The following TAFA5 variants were observed in gnomAD, a reference collection of about 807,000 sequenced individuals.
The protein encoded by TAFA5 is chemokine-like protein TAFA-5.
Under a neutral mutation model 15.3 loss-of-function variants are expected in TAFA5, and 6 were observed. The observed-to-expected ratio is 0.39, with a 90% CI of 0.21 to 0.77. The LOEUF (loss-of-function observed/expected upper bound fraction) is 0.77, where lower values mean the gene tolerates loss of function less well. TAFA5 is among the 30% of genes least tolerant of loss of function. TAFA5 has a pLI of 0.41. For synonymous variants in TAFA5, 103 were observed against 80.7 expected (o/e 1.28, Z -1.48); for missense variants, 161 against 193.1 (o/e 0.83, Z 0.98).
intron 1 of TAFA5, among the ~76,000 whole-genome samples, chr22:48,525,026 T>C (rs1018835502): frequency 1.3e-5 from 2 of 152,138 alleles, no homozygotes; most frequent in African/African-American, 4.8e-5. Flanking sequence ...TGCCCTCAGC[T>C]TTTGTTCTCA....
chr22:48,584,066 C>G (rs975285015), intron 1 of TAFA5, among the ~76,000 whole-genome samples: 24 of 147,380 alleles, frequency 1.6e-4, no homozygotes, highest in Non-Finnish European at 3.3e-4. Context: ...CCACACATAC[C>G]AGACACCACA....
Position 48,566,236 on chromosome 22 carries a change from T to C in TAFA5, c.112+76532T>C, listed in dbSNP as rs1160620480. Among the ~76,000 whole-genome samples, 1 of 150,106 alleles carries C rather than the reference T, an allele frequency of 6.7e-6. No individual in the cohort carries two copies. The highest frequency in any genetic ancestry group is 1.5e-5 in the Non-Finnish European group (1 of 67,590). On this transcript the variant is annotated intron_variant, in intron 1 of 3. Transcript: ENST00000402357. The surrounding 1 kb of genome is among the most constrained non-coding windows in gnomAD (Gnocchi z 4.5). ...GGGTGGATGGTAGGTAGATGGATGA[T>C]GGGTGGATGGTAGGTAGATGGATGA... is the stretch of plus-strand genomic sequence containing the variant.
chr22:48,527,923 C>T (rs1001989136), intron 1 of TAFA5, among the ~76,000 whole-genome samples: 1 of 152,224 alleles, frequency 6.6e-6, no homozygotes, highest in African/African-American at 2.4e-5. Flanking sequence ...CCCGCCTTCC[C>T]AGGCGCGCTC....
intron 2 of TAFA5, among the ~76,000 whole-genome samples, chr22:48,677,371 G>T (rs562285742): frequency 1.1e-4 from 16 of 152,378 alleles, no homozygotes; most frequent in Non-Finnish European, 1.8e-4. Context: ...GGATGGGGAT[G>T]CCGGGGTCGG....
chr22:48,601,874 G>A (rs981778921), intron 1 of TAFA5, among the ~76,000 whole-genome samples: 4 of 152,326 alleles, frequency 2.6e-5, no homozygotes, highest in South Asian at 4.1e-4. Flanking sequence ...AGTGTGCGGC[G>A]AGTGGCCTCG....
chr22:48,689,040 CA>C (rs1312058063), intron 2 of TAFA5, among the ~76,000 whole-genome samples: 1 of 150,930 alleles, frequency 6.6e-6, no homozygotes, highest in Non-Finnish European at 1.5e-5. Context: ...TGATGTGCTG[CA>C]GTTTAACTGC....
chr22:48,522,653 C>A (rs1259983266), intron 1 of TAFA5, among the ~76,000 whole-genome samples: 2 of 152,222 alleles, frequency 1.3e-5, no homozygotes, highest in Admixed American at 6.5e-5. Flanking sequence ...GGGAGGAAGG[C>A]CATTCCCTTC....
Position 48,740,386 on chromosome 22 carries a change from C to T in TAFA5, c.391-9453C>T, listed in dbSNP as rs147837476. ...CTCACAGAGCCTCCAGACTCCGGCC[C>T]CTCCCTGTGTGTTTGCAGATAAGAC... On this transcript the variant is annotated intron_variant, in intron 3 of 3. Coordinates refer to ENST00000402357, the MANE Select transcript of TAFA5 (RefSeq NM_001082967.3). 1.7e-3 allele frequency among the ~76,000 whole-genome samples: 264 copies of T among 152,326 alleles called. 2 individuals are homozygous for T. The highest frequency in any genetic ancestry group is 6.8e-3 in the Middle Eastern group (2 of 294).
At chr22:48,603,061 T>C (rs1925032961) in intron 1 of TAFA5, among the ~76,000 whole-genome samples, 1 of 152,170 alleles carries the variant, frequency 6.6e-6, no homozygotes, top group Admixed American at 6.5e-5. Context: ...GCTCAGTGAC[T>C]TGGAGAAAGC....
intron 1 of TAFA5, chr22:48,539,297 ATTGGT>A (rs1300831436): frequency 4.3e-6 from 2 of 464,976 alleles, no homozygotes; most frequent in Non-Finnish European, 4.5e-6. Context: ...GGACTCCTAA[ATTGGT>A]TTATTTGCCA....
chr22:48,562,585 A>AG (rs1020941046), intron 1 of TAFA5, among the ~76,000 whole-genome samples: 1 of 145,392 alleles, frequency 6.9e-6, no homozygotes, highest in African/African-American at 2.5e-5. Flanking sequence ...CTAGGGAGGG[A>AG]GGGGGGGAAT....
intron 1 of TAFA5, among the ~76,000 whole-genome samples, chr22:48,572,570 AC>A (rs1923626591): frequency 6.6e-6 from 1 of 151,914 alleles, no homozygotes; most frequent in African/African-American, 2.4e-5. Context: ...TTTTTCTTAG[AC>A]CTTGAGTTTT....
chr22:48,681,906 G>C lies in TAFA5; in HGVS notation c.263-25811G>C, dbSNP rs148396802. On this transcript the variant is annotated intron_variant, in intron 2 of 3. Coordinates refer to ENST00000402357, the MANE Select transcript of TAFA5 (RefSeq NM_001082967.3). ...TGAGGGGAAATGGCCTTAGGTTCTC[G>C]CACAGATCCGTCCACTGTCCTAGGA... 2.0e-3 allele frequency among the ~76,000 whole-genome samples: 124 copies of C among 63,378 alleles called. 28 individuals are homozygous for C. Among genetic ancestry groups the C allele is most frequent in the East Asian group, 6.3e-3 (24 of 3,806 alleles). 41.6% of individuals were successfully genotyped at this position (63,378 alleles called of 152,430 possible). A position where few individuals can be genotyped will look rare whatever the true frequency, so the allele number is the denominator to read the frequency against.
At position 48,560,762 on chromosome 22, in the gene TAFA5, C is replaced by G. The variant is rs1282466922; in HGVS notation, c.112+71058C>G. On this transcript the variant is annotated intron_variant, in intron 1 of 3. Coordinates refer to ENST00000402357, the MANE Select transcript of TAFA5 (RefSeq NM_001082967.3). The surrounding 1 kb of genome is among the most constrained non-coding windows in gnomAD (Gnocchi z 4.2). ...TAGCTGGGATTACAGGTGCTCAACA[C>G]CACGCCTGGATAATTTTTTGTGTTT... 2.0e-5 allele frequency among the ~76,000 whole-genome samples: 3 copies of G among 152,132 alleles called. No individual in the cohort carries two copies. The highest frequency in any genetic ancestry group is 7.2e-5 in the African/African-American group (3 of 41,494).
intron 1 of TAFA5, among the ~76,000 whole-genome samples, chr22:48,518,517 GTCTCTTTTCCAGAA>G (rs1921493828): frequency 6.6e-6 from 1 of 152,186 alleles, no homozygotes; most frequent in Non-Finnish European, 1.5e-5. Context: ...GAGGGCTCTT[GTCTCTTTTCCAGAA>G]CCCCAGATTC....
intron 2 of TAFA5, among the ~76,000 whole-genome samples, chr22:48,668,671 G>A (rs1927701355): frequency 6.7e-6 from 1 of 149,458 alleles, no homozygotes; most frequent in Non-Finnish European, 1.5e-5. Context: ...CGTCTTCACC[G>A]GGAGCTGTAA....
intron 1 of TAFA5, among the ~76,000 whole-genome samples, chr22:48,495,692 G>C (rs1017067376): frequency 3.3e-5 from 5 of 152,160 alleles, no homozygotes; most frequent in Admixed American, 6.5e-5. Context: ...CCTCACACCT[G>C]CTCTCCCTCC....
At chr22:48,612,164 C>G (rs1367626401) in intron 1 of TAFA5, among the ~76,000 whole-genome samples, 2 of 152,168 alleles carry the variant, frequency 1.3e-5, no homozygotes, top group Non-Finnish European at 2.9e-5. Flanking sequence ...GCTTCCTCCC[C>G]TGGGTGGCTC....
intron 3 of TAFA5, among the ~76,000 whole-genome samples, chr22:48,737,224 G>T (rs900766338): frequency 7.9e-5 from 12 of 152,206 alleles, no homozygotes; most frequent in Non-Finnish European, 1.5e-4. Flanking sequence ...ATGGCCATTT[G>T]TCCTGAACGT....
Sources: gnomAD v4.1 joint callset for allele counts (sites outside exome capture counted in the v4.1 genomes callset) on GRCh38, gnomAD v4.1.1 for gene constraint, Gnocchi (gnomAD v3.1) non-coding constraint, MANE v1.5 for transcripts, NCBI Gene and HGNC (gene_info 2026-07-23, HGNC 2026-07-21) for gene names.